TYMS: variants seen among roughly 807,000 people sequenced by gnomAD.
The protein encoded by TYMS is thymidylate synthase.
A neutral mutation model predicts 39.3 loss-of-function variants in TYMS; 21 were observed. The ratio of observed to expected loss-of-function variants is 0.54; its 90% CI spans 0.38 to 0.77. The LOEUF (loss-of-function observed/expected upper bound fraction) is 0.77. Ranked by LOEUF, TYMS falls within the 30% of genes least tolerant of loss-of-function variation. The probability of loss-of-function intolerance (pLI) is 0.00; values close to 1 mark genes in which losing one functional copy is unlikely to be tolerated. For synonymous variants in TYMS, 171 were observed against 162.2 expected, an observed-to-expected ratio of 1.05 and a Z score of -0.41; for missense variants, 273 against 406.7, an observed-to-expected ratio of 0.67 and a Z score of 2.83.
intron 3 of TYMS, among the ~76,000 whole-genome samples, chr18:664,724 T>G (rs1027747381): frequency 8.6e-5 from 13 of 151,272 alleles, no homozygotes; most frequent in Admixed American, 3.3e-4. Flanking sequence ...GTTTTTAGCA[T>G]GATGTGTTGT....
intron 2 of TYMS, among the ~76,000 whole-genome samples, chr18:661,899 C>T (rs980639484): frequency 2.6e-5 from 4 of 152,224 alleles, no homozygotes; most frequent in East Asian, 1.9e-4. Context: ...GCAGGGGAAT[C>T]GCTTGAACCT....
rs1403612651 is a variant in TYMS, at chr18:658,277, T to C, written c.205+330T>C. On this transcript the variant is annotated intron_variant, in intron 1 of 6. Transcript: ENST00000323274. The surrounding 1 kb of genome is among the most constrained non-coding windows in gnomAD (Gnocchi z 4.5). ...CAGCGTTTGCCCAGTGCTGGAGGGT[T>C]AGGGAGAGCTGCCTGGGCTTGACCG... 2.1e-6 allele frequency: 3 copies of C among 1,430,196 alleles called. No individual in the cohort carries two copies. Among genetic ancestry groups the C allele is most frequent in the Middle Eastern group, 1.9e-4 (1 of 5,402 alleles). The allele number at this position is 1,430,196 out of a possible 1,614,324, so 88.6% of individuals were successfully genotyped here.
intron 3 of TYMS, among the ~76,000 whole-genome samples, chr18:664,999 C>T (rs1037066560): frequency 6.6e-6 from 1 of 151,162 alleles, no homozygotes; most frequent in African/African-American, 2.5e-5. Flanking sequence ...TGTGTCTCTG[C>T]CCAGCTTTGG....
rs1448083920 is a variant in TYMS at position 669,177 on chromosome 18, G to GA, written c.556+7dup. 1.2e-6 allele frequency: 2 copies of GA among 1,613,492 alleles called. No individual in the cohort carries two copies. Among genetic ancestry groups the GA allele is most frequent in the South Asian group, 1.1e-5 (1 of 91,054 alleles). On this transcript the variant is annotated splice_donor_region_variant and intron_variant, in intron 4 of 6. Coordinates refer to ENST00000323274, the MANE Select transcript of TYMS (RefSeq NM_001071.4). ...ATGTGCGCTTGGAATCCAAGAGGTT[G>GA]AAAGAACCCCGTCGTCTTCATTTAT...
chr18:671,523 C>G, intron 6 of TYMS, 72 bp downstream of exon 6: 2 of 923,660 alleles, frequency 2.2e-6, no homozygotes, highest in South Asian at 2.7e-5. Flanking sequence ...GAACAGGCAT[C>G]TGCTCAATGC....
chr18:659,432 G>T (rs577145918), intron 1 of TYMS, among the ~76,000 whole-genome samples: 5 of 152,240 alleles, frequency 3.3e-5, no homozygotes, highest in South Asian at 2.1e-4. Flanking sequence ...GGTCACCGGG[G>T]CACAGAAGTG....
intron 1 of TYMS, among the ~76,000 whole-genome samples, chr18:659,334 T>A (rs1490241519): frequency 6.6e-6 from 1 of 152,162 alleles, no homozygotes; most frequent in Non-Finnish European, 1.5e-5. Context: ...TTAGCACTAG[T>A]GGGCAGTGGA....
At chr18:672,740 C>A in intron 6 of TYMS, 120 bp from the exon 7 acceptor site, 1 of 1,147,262 alleles carries the variant, frequency 8.7e-7, no homozygotes, top group Non-Finnish European at 1.2e-6. Flanking sequence ...TCGACAGGAT[C>A]ATACTCCTGT....
intron 4 of TYMS, among the ~76,000 whole-genome samples, chr18:670,143 A>G (rs1221900901): frequency 1.3e-5 from 2 of 151,608 alleles, no homozygotes; most frequent in East Asian, 2.0e-4. Flanking sequence ...TCCCAGGTTC[A>G]AGTGAGTTCC....
intron 3 of TYMS, among the ~76,000 whole-genome samples, chr18:664,403 TAAG>T (rs1195644597): frequency 1.4e-5 from 2 of 146,808 alleles, no homozygotes; most frequent in African/African-American, 5.2e-5. Flanking sequence ...CTTATCAGCT[TAAG>T]GAGATTTTGG....
In TYMS at chr18:672,843, C is replaced by T. The variant is rs2144417568; in HGVS notation, c.805-17C>T. On this transcript the variant is annotated splice_polypyrimidine_tract_variant and intron_variant, in intron 6 of 6. Transcript: ENST00000323274. ...TCGTACAATTATGGCAAAATAATGGCCTTATTTTGTTTTTAGCTTCAGCGA... is the reference window on the plus strand; with the variant it reads ...TCGTACAATTATGGCAAAATAATGGTCTTATTTTGTTTTTAGCTTCAGCGA... 1 of 1,546,078 alleles carries T rather than the reference C, an allele frequency of 6.5e-7. No homozygotes were observed. Among genetic ancestry groups the T allele is most frequent in the South Asian group, 1.2e-5 (1 of 83,172 alleles).
At position 657,812 on chromosome 18, in the gene TYMS, C is replaced by A. The variant is rs781495898; in HGVS notation, c.70C>A (p.Pro24Thr). The change falls in exon 1 of 7, where the codon CCG (proline) becomes ACG (threonine). Residue 24 changes from proline (P) to threonine (T), a missense_variant. By Grantham distance (38) the Pro-to-Thr change is conservative (BLOSUM62 -1). Coordinates refer to ENST00000323274, the MANE Select transcript of TYMS (RefSeq NM_001071.4). Reference sequence around the variant, plus strand: ...CGCCGCACAGGAGCGGGACGCCGAGCCGCGTCCGCCGCACGGGGAGCTGCA... The same window carrying A: ...CGCCGCACAGGAGCGGGACGCCGAGACGCGTCCGCCGCACGGGGAGCTGCA... Reference protein sequence around the residue: ...PPAAQERDAEPRPPHGELQYL... With the variant: ...PPAAQERDAETRPPHGELQYL... 1.0e-4 allele frequency: 151 copies of A among 1,463,022 alleles called. No homozygotes were observed. Among genetic ancestry groups the A allele is most frequent in the Non-Finnish European group, 1.3e-4 (146 of 1,114,946 alleles). The allele number at this position is 1,463,022 out of a possible 1,614,324, so 90.6% of individuals were successfully genotyped here.
At chr18:661,828 A>G (rs1372403381) in intron 2 of TYMS, among the ~76,000 whole-genome samples, 1 of 152,212 alleles carries the variant, frequency 6.6e-6, no homozygotes, top group Non-Finnish European at 1.5e-5. Flanking sequence ...TCTACTAAAA[A>G]TACAAAATTA....
intron 6 of TYMS, 148 bp from the exon 7 acceptor site, chr18:672,712 A>C: frequency 1.2e-6 from 1 of 832,696 alleles, no homozygotes; most frequent in East Asian, 2.6e-5. Context: ...ATCATGTTAC[A>C]TAACCTACGG....
rs564065660 is a variant in TYMS at position 666,022 on chromosome 18, C to CTAT, written c.455-3047_455-3045dup. On this transcript the variant is annotated intron_variant, in intron 3 of 6. Transcript: ENST00000323274. ...TTGGGGTGGAGAGTTCTGTAGATGT[C>CTAT]TATTAGGTCCGCTTAGTGCAGAGCT... Among the ~76,000 whole-genome samples the CTAT allele has an allele frequency of 1.5e-3, 147 of 97,356 alleles. 41 individuals are homozygous for CTAT. The highest frequency in any genetic ancestry group is 0.012 in the Admixed American group (135 of 11,532). 63.9% of individuals were successfully genotyped at this position (97,356 alleles called of 152,430 possible). A position where few individuals can be genotyped will look rare whatever the true frequency, so the allele number is the denominator to read the frequency against.
At position 657,659 on chromosome 18, in the gene TYMS, C is replaced by CCT. The variant is rs2074698250; in HGVS notation, c.-83_-82dup. ...GGGGTCCTGCCACCGCGCCACTTGG[C>CCT]CTGCCTCCGTCCCGCCGCGCCACTT... On this transcript the variant is annotated 5_prime_UTR_variant, in exon 1 of 7. Coordinates refer to ENST00000323274, the MANE Select transcript of TYMS (RefSeq NM_001071.4). 2.9e-6 allele frequency: 1 copy of CCT among 348,986 alleles called. No homozygotes were observed. Among genetic ancestry groups the CCT allele is most frequent in the Non-Finnish European group, 3.9e-6 (1 of 254,666 alleles). 21.6% of individuals were successfully genotyped at this position (348,986 alleles called of 1,614,324 possible). A position where few individuals can be genotyped will look rare whatever the true frequency, so the allele number is the denominator to read the frequency against.
At position 658,663 on chromosome 18, in the gene TYMS, G is replaced by T. The variant is rs2074721876; in HGVS notation, c.205+716G>T. The T allele has an allele frequency of 7.3e-6, 2 of 275,330 alleles. No individual in the cohort carries two copies. The highest frequency in any genetic ancestry group is 1.4e-4 in the East Asian group (1 of 6,964). 17.1% of individuals were successfully genotyped at this position (275,330 alleles called of 1,614,324 possible). On this transcript the variant is annotated intron_variant, in intron 1 of 6. Coordinates refer to ENST00000323274, the MANE Select transcript of TYMS (RefSeq NM_001071.4). This position sits in a 1 kb window ranked among gnomAD's most constrained non-coding sequence, Gnocchi z 4.5. The stretch of plus-strand genomic sequence containing the variant: ...GGGCGGGGCGGGGTGGGCACAGGAC[G>T]TTAGGCAGCCGTTGGCCCTCCCTAA...
chr18:663,174 C>T lies in TYMS; in HGVS notation c.454+854C>T, dbSNP rs1371600626. The stretch of plus-strand genomic sequence containing the variant: ...CTATTTCTCCACATCCTCTCCAGCA[C>T]CTGTTGTTTCCTGACTTTTTAATGA... On this transcript the variant is annotated intron_variant, in intron 3 of 6. Coordinates refer to ENST00000323274, the MANE Select transcript of TYMS (RefSeq NM_001071.4). 4.2e-5 allele frequency among the ~76,000 whole-genome samples: 4 copies of T among 94,680 alleles called. 1 individual carries two copies. The highest frequency in any genetic ancestry group is 7.8e-5 in the Non-Finnish European group (4 of 51,452). 62.1% of individuals were successfully genotyped at this position (94,680 alleles called of 152,430 possible).
intron 3 of TYMS, among the ~76,000 whole-genome samples, chr18:666,909 T>TGATGGTGATGGTGATGGAGATGGTGATGG (rs2074829917): frequency 2.4e-5 from 1 of 41,492 alleles, no homozygotes; most frequent in Non-Finnish European, 5.2e-5. Flanking sequence ...ATGGAGATGG[T>TGATGGTGATGGTGATGGAGATGGTGATGG]GATGGTGATG....
Sources: gnomAD v4.1 joint callset for allele counts (sites outside exome capture counted in the v4.1 genomes callset) on GRCh38, gnomAD v4.1.1 for gene constraint, Gnocchi (gnomAD v3.1) non-coding constraint, MANE v1.5 for transcripts, NCBI Gene and HGNC (gene_info 2026-07-23, HGNC 2026-07-21) for gene names.